The following DCAF6 variants were observed in gnomAD, a reference collection of about 807,000 sequenced individuals.
DCAF6 encodes DDB1- and CUL4-associated factor 6.
A neutral mutation model predicts 125.1 loss-of-function variants in DCAF6; 54 were observed. The observed-to-expected ratio is 0.43, with a 90% CI of 0.35 to 0.54. DCAF6 has a LOEUF of 0.54. Ranked by LOEUF, DCAF6 falls within the 20% of genes least tolerant of loss-of-function variation. The pLI is 0.01. For missense variants in DCAF6, 934 were observed against 1,161.7 expected, an observed-to-expected ratio of 0.80 and a Z score of 2.85; for synonymous variants, 371 against 390.4, an observed-to-expected ratio of 0.95 and a Z score of 0.58.
At position 168,023,036 on chromosome 1, in the gene DCAF6, A is replaced by G. The variant is rs150807998; in HGVS notation, c.1598A>G (p.Asp533Gly). Reference sequence around the variant, plus strand: ...AAACAGCTCGGATCCATGTCACTTGACGAGCAACAGGGTGCGTGCAACAGG... The same window carrying G: ...AAACAGCTCGGATCCATGTCACTTGGCGAGCAACAGGGTGCGTGCAACAGG... ...VNKQLGSMSL[D>G]EQQDNNNEKL... Residue 533 changes from aspartate (D) to glycine (G), a missense_variant, in exon 12 of 22, where the codon GAC becomes GGC. Around this residue, in one of 5 missense-constraint regions of DCAF6, gnomAD observed 559 missense variants for 635.5 expected, o/e 0.88. Coordinates refer to ENST00000367840, the MANE Select transcript of DCAF6 (RefSeq NM_001198956.2). 6.2e-7 allele frequency: 1 copy of G among 1,614,064 alleles called. No individual in the cohort carries two copies. Among genetic ancestry groups the G allele is most frequent in the African/African-American group, 1.3e-5 (1 of 74,940 alleles).
chr1:168,063,094 G>A (rs1471511542), intron 17 of DCAF6, among the ~76,000 whole-genome samples: 2 of 151,874 alleles, frequency 1.3e-5, no homozygotes, highest in African/African-American at 4.8e-5. Context: ...TGTATTTTTA[G>A]TAGAGATGGG....
chr1:167,871,263 A>C, the DCAF6 span, among the ~76,000 whole-genome samples: 63 of 152,350 alleles, frequency 4.1e-4, no homozygotes, highest in African/African-American at 1.5e-3. Flanking sequence ...TCAGGGCTAC[A>C]AAAAGCATTA....
At chr1:167,935,857 G>C, upstream of DCAF6, 1 of 1,543,066 alleles carries the variant, frequency 6.5e-7, no homozygotes. Context: ...CCGAGGGATC[G>C]TTGGCAGCCG....
At chr1:167,966,845 G>T in intron 3 of DCAF6, 124 bp downstream of exon 3, 2 of 624,388 alleles carry the variant, frequency 3.2e-6, no homozygotes, top group Non-Finnish European at 5.6e-6. Context: ...ATTTTGCTGA[G>T]GTTTATTGTA....
In DCAF6 at chr1:168,075,229, C is replaced by T. The variant is rs1693668763; in HGVS notation, c.2792-142C>T. ...AGCTAATAATACTGTGTTTTCTTTA[C>T]TCTTTTATTTGCCTCTAAAGACATC... On this transcript the variant is annotated intron_variant, in intron 21 of 21. Coordinates refer to ENST00000367840, the MANE Select transcript of DCAF6 (RefSeq NM_001198956.2). The T allele has an allele frequency of 6.0e-6, 4 of 667,886 alleles. No homozygotes were observed. In the South Asian group the frequency reaches 6.9e-5, roughly 12 times the overall value. 41.4% of individuals were successfully genotyped at this position (667,886 alleles called of 1,614,324 possible). A position where few individuals can be genotyped will look rare whatever the true frequency, so the allele number is the denominator to read the frequency against.
At chr1:168,000,680 C>T (rs1682485164) in intron 7 of DCAF6, among the ~76,000 whole-genome samples, 1 of 152,044 alleles carries the variant, frequency 6.6e-6, no homozygotes. Flanking sequence ...AAATGAAGTA[C>T]TGATACCTGC....
At chr1:168,048,887 A>G (rs1389960573) in intron 16 of DCAF6, among the ~76,000 whole-genome samples, 1 of 152,252 alleles carries the variant, frequency 6.6e-6, no homozygotes, top group African/African-American at 2.4e-5. Flanking sequence ...ATCTAGCCCA[A>G]GAGCCATAGC....
chr1:168,013,868 C>A (rs1684616489), intron 10 of DCAF6, among the ~76,000 whole-genome samples: 2 of 151,982 alleles, frequency 1.3e-5, no homozygotes, highest in Admixed American at 1.3e-4. Flanking sequence ...ACCTCAGCCT[C>A]CCGAGGGGCC....
chr1:167,887,504 T>C, the DCAF6 span, among the ~76,000 whole-genome samples: 1 of 151,990 alleles, frequency 6.6e-6, no homozygotes, highest in East Asian at 1.9e-4. Flanking sequence ...ATGAGAACAC[T>C]TAGACACAGG....
intron 12 of DCAF6, among the ~76,000 whole-genome samples, chr1:168,033,347 C>A (rs1051970593): frequency 7.7e-6 from 1 of 130,188 alleles, no homozygotes; most frequent in Non-Finnish European, 1.5e-5. Context: ...CTCGCTCTGT[C>A]GCCCAGGCCG....
chr1:167,978,468 A>G (rs1346768299), intron 4 of DCAF6, among the ~76,000 whole-genome samples: 1 of 152,190 alleles, frequency 6.6e-6, no homozygotes, highest in Admixed American at 6.5e-5. Flanking sequence ...GAGGTTGAGC[A>G]TCTCTTCAAA....
chr1:167,919,729 CT>C, the DCAF6 span, among the ~76,000 whole-genome samples: 1 of 152,106 alleles, frequency 6.6e-6, no homozygotes, highest in African/African-American at 2.4e-5. Context: ...AGGTAACATA[CT>C]GCTTAACTGA....
intron 2 of DCAF6, among the ~76,000 whole-genome samples, chr1:167,962,814 G>T (rs543241316): frequency 2.0e-5 from 3 of 152,240 alleles, no homozygotes; most frequent in Admixed American, 6.5e-5. Flanking sequence ...AATTAGCCAC[G>T]CATGGTGGCA....
chr1:167,995,681 G>GAA (rs200291600), intron 7 of DCAF6, among the ~76,000 whole-genome samples: 3 of 85,340 alleles, frequency 3.5e-5, no homozygotes, highest in East Asian at 6.7e-4. Flanking sequence ...CTCAGTCTCA[G>GAA]AAAAAAAAAA....
intron 17 of DCAF6, among the ~76,000 whole-genome samples, chr1:168,061,235 G>A (rs945338591): frequency 3.9e-5 from 6 of 152,128 alleles, no homozygotes; most frequent in African/African-American, 1.4e-4. Context: ...AAAAATGTAT[G>A]TGGAGATTCC....
chr1:168,070,265 G>A (rs1692858272), intron 21 of DCAF6, among the ~76,000 whole-genome samples: 1 of 151,778 alleles, frequency 6.6e-6, no homozygotes, highest in Non-Finnish European at 1.5e-5. Context: ...AAGTGCCCAA[G>A]AGTTAACATT....
At chr1:167,987,020 T>TA (rs747723379) in intron 4 of DCAF6, among the ~76,000 whole-genome samples, 4 of 152,232 alleles carry the variant, frequency 2.6e-5, no homozygotes, top group Non-Finnish European at 5.9e-5. Flanking sequence ...GTATAACCAT[T>TA]ACCACAATTA....
the DCAF6 span, among the ~76,000 whole-genome samples, chr1:167,900,850 CAACATCAAAAGCGGGCCTAGGTTA>C: frequency 6.6e-6 from 1 of 152,110 alleles, no homozygotes; most frequent in African/African-American, 2.4e-5. Context: ...AAATTTTTAA[CAACATCAAAAGCGGGCCTAGGTTA>C]AAGAAGGCTG....
At chr1:167,935,917 T>G, upstream of DCAF6, 1 of 1,161,030 alleles carries the variant, frequency 8.6e-7, no homozygotes, top group East Asian at 2.6e-5. Context: ...GAAGGGGAGC[T>G]AGTCACTTTT....
Sources: allele counts gnomAD v4.1 joint callset (sites outside exome capture counted in the v4.1 genomes callset), GRCh38; gene constraint gnomAD v4.1.1; regional missense constraint gnomAD v4.1.1; transcripts MANE v1.5; gene names NCBI Gene and HGNC (gene_info 2026-07-23, HGNC 2026-07-21).